Variants in ZNF536 observed in about 807,000 individuals in gnomAD.
ZNF536 encodes the protein zinc finger protein 536.
Under a neutral mutation model 84.5 loss-of-function variants are expected in ZNF536, and 13 were observed. The observed-to-expected ratio is 0.15, with a 90% CI of 0.10 to 0.24. The LOEUF is 0.24. Among genes scored for constraint, ZNF536 ranks in the 10% least tolerant of loss-of-function variants. The pLI is 1.00. For synonymous variants in ZNF536, 811 were observed against 742.5 expected (o/e 1.09, Z -1.50); for missense variants, 1,536 against 1,747.5 (o/e 0.88, Z 2.16).
chr19:30,566,717 T>A (rs1177375280), intron 1 of ZNF536, among the ~76,000 whole-genome samples: 1 of 145,900 alleles, frequency 6.9e-6, no homozygotes, highest in African/African-American at 2.6e-5. Context: ...GAGGTCCCTG[T>A]GTGTGGCCTT....
At chr19:30,274,097 C>T (rs963661117) in intron 1 of ZNF536, among the ~76,000 whole-genome samples, 2 of 151,854 alleles carry the variant, frequency 1.3e-5, no homozygotes, top group Non-Finnish European at 2.9e-5. Context: ...AAAAAGTGAC[C>T]CCTGTAAAGG....
At chr19:30,323,329 T>G (rs545755355) in intron 2 of ZNF536, among the ~76,000 whole-genome samples, 1 of 152,202 alleles carries the variant, frequency 6.6e-6, no homozygotes, top group Non-Finnish European at 1.5e-5. Flanking sequence ...TGACTACCCT[T>G]TCTCCTCGGG....
intron 2 of ZNF536, among the ~76,000 whole-genome samples, chr19:30,462,993 G>A (rs1327376663): frequency 7.1e-6 from 1 of 141,730 alleles, no homozygotes; most frequent in Non-Finnish European, 1.6e-5. Flanking sequence ...GGGATGGGGT[G>A]TGTGTTGTGT....
chr19:30,529,879 A>G (rs2044734746), intron 2 of ZNF536, among the ~76,000 whole-genome samples: 1 of 152,228 alleles, frequency 6.6e-6, no homozygotes, highest in Non-Finnish European at 1.5e-5. Context: ...CGTTGTACCC[A>G]TGCAAGGCAC....
chr19:30,430,141 C>T (rs148678316), intron 1 of ZNF536, among the ~76,000 whole-genome samples: 26 of 152,206 alleles, frequency 1.7e-4, no homozygotes, highest in South Asian at 1.7e-3. Context: ...CCAAACTTCT[C>T]ACCTGGCTGT....
rs78395075 is a variant in ZNF536 at position 30,312,409 on chromosome 19, G to A, written c.-120+28268G>A. Reference sequence around the variant, plus strand: ...ACTTCCTTCTCTCCAACCCTTGCTGGCCCGAGCGCACAGAGCTTCCCATGC... The same window carrying A: ...ACTTCCTTCTCTCCAACCCTTGCTGACCCGAGCGCACAGAGCTTCCCATGC... On this transcript the variant is annotated intron_variant, in intron 2 of 5. Coordinates refer to the ZNF536 transcript ENST00000585628. Among the ~76,000 whole-genome samples, 1,383 of 152,220 alleles carry A rather than the reference G, an allele frequency of 9.1e-3. 27 individuals carry two copies. Among genetic ancestry groups the A allele is most frequent in the African/African-American group, 0.031 (1,292 of 41,516 alleles).
At chr19:30,406,116 C>CAGG (rs1426351700) in intron 1 of ZNF536, among the ~76,000 whole-genome samples, 1 of 152,192 alleles carries the variant, frequency 6.6e-6, no homozygotes, top group African/African-American at 2.4e-5. Context: ...TCTCTAAAGT[C>CAGG]AGGAGTTCCT....
chr19:30,636,839 T>G (rs1161061268), intron 1 of ZNF536, among the ~76,000 whole-genome samples: 4 of 152,136 alleles, frequency 2.6e-5, no homozygotes, highest in Non-Finnish European at 5.9e-5. Flanking sequence ...TCTTCTCTGG[T>G]CCCTGGCCTC....
intron 1 of ZNF536, among the ~76,000 whole-genome samples, chr19:30,283,062 C>T (rs1004732089): frequency 1.3e-5 from 2 of 152,244 alleles, no homozygotes; most frequent in African/African-American, 2.4e-5. Context: ...TCAGTACAAA[C>T]TTCTTCGGCT....
At position 30,372,457 on chromosome 19, in the gene ZNF536, A is replaced by T. The variant is rs2048643436; in HGVS notation, c.-102A>T. 1 of 152,174 alleles carries T rather than the reference A, an allele frequency of 6.6e-6. No homozygotes were observed. 9.4% of individuals were successfully genotyped at this position (152,174 alleles called of 1,614,324 possible). A position where few individuals can be genotyped will look rare whatever the true frequency, so the allele number is the denominator to read the frequency against. ...AGAGTTTCCACGTTGTCATCATAGG[A>T]TCTGGACTCAAGTGACCAAAACCTT... On this transcript the variant is annotated 5_prime_UTR_variant, in exon 1 of 5. Transcript: ENST00000355537.
chr19:30,669,025 C>A (rs2050443536), intron 1 of ZNF536, among the ~76,000 whole-genome samples: 1 of 152,210 alleles, frequency 6.6e-6, no homozygotes. Flanking sequence ...CCCTCACACG[C>A]CTGGGTGCAT....
chr19:30,261,229 C>T (rs1245673084), intron 1 of ZNF536, among the ~76,000 whole-genome samples: 5 of 121,796 alleles, frequency 4.1e-5, no homozygotes, highest in African/African-American at 6.2e-5. Context: ...ACCCGGGAGG[C>T]GGAGCTTGCA....
chr19:30,358,855 C>T (rs1340024999), intron 3 of ZNF536, among the ~76,000 whole-genome samples: 1 of 152,180 alleles, frequency 6.6e-6, no homozygotes, highest in Non-Finnish European at 1.5e-5. Flanking sequence ...GGCTGGGGCA[C>T]GTTTTGGACT....
chr19:30,233,951 C>G (rs1445763341), intron 1 of ZNF536, among the ~76,000 whole-genome samples: 3 of 152,122 alleles, frequency 2.0e-5, no homozygotes, highest in Non-Finnish European at 4.4e-5. Flanking sequence ...ACCCTGACAC[C>G]AGGCTTGGGG....
chr19:30,548,104 G>A lies in ZNF536; in HGVS notation c.2485G>A (p.Ala829Thr), dbSNP rs1422749547. The change falls in exon 4 of 5, where the codon GCT (alanine) becomes ACT (threonine). Residue 829 changes from alanine (A) to threonine (T), a missense_variant. This residue lies in a region of ZNF536 where 624 missense variants were observed against 603.1 expected (regional missense o/e 1.03). Transcript: ENST00000355537. Reference sequence around the variant, plus strand: ...CCACAAGGATGAGATGTCAAGCAAAGCTTCTCTGTTCATCAGGCCAGACAT... The same window carrying A: ...CCACAAGGATGAGATGTCAAGCAAAACTTCTCTGTTCATCAGGCCAGACAT... The part of the protein sequence containing the change: ...QDHKDEMSSK[A>T]SLFIRPDILR... 1.2e-6 allele frequency: 2 copies of A among 1,614,116 alleles called. No individual in the cohort carries two copies. The highest frequency in any genetic ancestry group is 3.3e-5 in the Admixed American group (2 of 60,022).
Position 30,445,803 on chromosome 19 carries a change from C to G in ZNF536, c.2170+71C>G, listed in dbSNP as rs2148240299. On this transcript the variant is annotated intron_variant, in intron 2 of 4. Transcript: ENST00000355537. This position sits in a 1 kb window ranked among gnomAD's most constrained non-coding sequence, Gnocchi z 4.5. Reference sequence around the variant, plus strand: ...TGCTCAGGGCTGCCTGGTTCTGCTCCCAGGCCTCCAGTCAGTTCCAAGGCC... The same window carrying G: ...TGCTCAGGGCTGCCTGGTTCTGCTCGCAGGCCTCCAGTCAGTTCCAAGGCC... The G allele has an allele frequency of 6.7e-7, 1 of 1,499,590 alleles. No individual in the cohort carries two copies. The highest frequency in any genetic ancestry group is 8.9e-7 in the Non-Finnish European group (1 of 1,125,478). The allele number at this position is 1,499,590 out of a possible 1,614,324, so 92.9% of individuals were successfully genotyped here.
At chr19:30,296,710 G>A (rs1023036031) in intron 2 of ZNF536, among the ~76,000 whole-genome samples, 1 of 152,190 alleles carries the variant, frequency 6.6e-6, no homozygotes, top group Non-Finnish European at 1.5e-5. Flanking sequence ...GCAAAAGCTG[G>A]TTCTTCTCCC....
chr19:30,439,190 T>C (rs2051894816), intron 1 of ZNF536, among the ~76,000 whole-genome samples: 1 of 152,036 alleles, frequency 6.6e-6, no homozygotes, highest in African/African-American at 2.4e-5. Context: ...CACACACCCT[T>C]AGACACCAAA....
chr19:30,439,187 C>T (rs1056248323), intron 1 of ZNF536, among the ~76,000 whole-genome samples: 1 of 152,046 alleles, frequency 6.6e-6, no homozygotes, highest in Non-Finnish European at 1.5e-5. Context: ...ACACACACAC[C>T]CTTAGACACC....
Sources: allele counts gnomAD v4.1 joint callset (sites outside exome capture counted in the v4.1 genomes callset), GRCh38; gene constraint gnomAD v4.1.1; regional missense constraint gnomAD v4.1.1; non-coding constraint Gnocchi (gnomAD v3.1); transcripts MANE v1.5; gene names NCBI Gene and HGNC (gene_info 2026-07-23, HGNC 2026-07-21).